The following VDR variants were observed in gnomAD, a reference collection of about 807,000 sequenced individuals.
VDR encodes vitamin D receptor.
A neutral mutation model predicts 39.7 loss-of-function variants in VDR; 19 were observed. The observed-to-expected ratio is 0.48, with a 90% CI of 0.33 to 0.70. VDR has a LOEUF of 0.70. Ranked by LOEUF, VDR falls within the 30% of genes least tolerant of loss-of-function variation. VDR has a pLI of 0.02. For synonymous variants in VDR, 242 were observed against 215.8 expected (o/e 1.12, Z -1.07); for missense variants, 442 against 570.5 (o/e 0.77, Z 2.29).
At chr12:47,875,972 C>A (rs984977260) in intron 3 of VDR, among the ~76,000 whole-genome samples, 1 of 152,134 alleles carries the variant, frequency 6.6e-6, no homozygotes, top group Non-Finnish European at 1.5e-5. Context: ...GACAGCAGTG[C>A]AGCACTACGC....
intron 1 of VDR, chr12:47,899,849 C>A (rs1374586581): frequency 5.3e-5 from 50 of 946,104 alleles, no homozygotes; most frequent in Non-Finnish European, 6.2e-5. Context: ...CAAAGAGAAG[C>A]TATGAGGATT....
intron 1 of VDR, 84 bp downstream of exon 1, chr12:47,904,871 G>A: frequency 3.0e-6 from 1 of 337,700 alleles, no homozygotes; most frequent in Non-Finnish European, 5.4e-6. Context: ...CTCGCAGCCG[G>A]GCGCTCAGGC....
chr12:47,880,724 T>C (rs909440813), intron 2 of VDR, among the ~76,000 whole-genome samples: 1 of 151,906 alleles, frequency 6.6e-6, no homozygotes, highest in Non-Finnish European at 1.5e-5. Flanking sequence ...TCAAAAATAA[T>C]GGCAAAGATC....
chr12:47,897,295 T>C (rs953073424), intron 1 of VDR, among the ~76,000 whole-genome samples: 1 of 152,216 alleles, frequency 6.6e-6, no homozygotes, highest in Admixed American at 6.5e-5. Flanking sequence ...GTTATTATGA[T>C]TGTCAGCTAT....
chr12:47,852,600 G>T (rs1945408625), intron 7 of VDR, among the ~76,000 whole-genome samples: 1 of 152,210 alleles, frequency 6.6e-6, no homozygotes, highest in African/African-American at 2.4e-5. Context: ...AGCACTGTCT[G>T]CCAGTTTTCT....
In VDR at chr12:47,844,651, G is replaced by C; in HGVS notation, c.*95C>G. On this transcript the variant is annotated 3_prime_UTR_variant, in exon 10 of 10. Transcript: ENST00000549336. ...CAGAGGAGGGGCTGAACCCCAGACG[G>C]GGTGAGGAGGGCTGCTGAGTAGCCG... is the stretch of plus-strand genomic sequence containing the variant. 1.9e-6 allele frequency: 3 copies of C among 1,562,872 alleles called. No individual in the cohort carries two copies. The highest frequency in any genetic ancestry group is 2.6e-6 in the Non-Finnish European group (3 of 1,145,412).
At chr12:47,872,930 C>T (rs1350976372) in intron 3 of VDR, among the ~76,000 whole-genome samples, 1 of 151,916 alleles carries the variant, frequency 6.6e-6, no homozygotes, top group African/African-American at 2.4e-5. Flanking sequence ...CCCTGTTTTA[C>T]AAGTGACACA....
intron 1 of VDR, 172 bp from the exon 2 acceptor site, chr12:47,882,946 G>A: frequency 3.6e-6 from 2 of 556,350 alleles, no homozygotes; most frequent in Non-Finnish European, 3.1e-6. Context: ...GCTGGCAGGG[G>A]TGTGGGGGTG....
chr12:47,862,380 G>A (rs1945644912), intron 4 of VDR, among the ~76,000 whole-genome samples: 1 of 152,198 alleles, frequency 6.6e-6, no homozygotes, highest in East Asian at 1.9e-4. Flanking sequence ...CCTGCCCTTT[G>A]GAAGCAGAAA....
rs1945199540 is a variant in VDR, at chr12:47,842,882, T to C, written c.*1864A>G. ...CGTTTAGCAACTTACAAGTGTTTTC[T>C]CCCACTGAAGAGCAAGCTGGACCAA... On this transcript the variant is annotated 3_prime_UTR_variant, in exon 10 of 10. Coordinates refer to ENST00000549336, the MANE Select transcript of VDR (RefSeq NM_000376.3). The C allele has an allele frequency of 6.6e-6, 1 of 152,128 alleles. No individual in the cohort carries two copies. The highest frequency in any genetic ancestry group is 1.9e-4 in the East Asian group (1 of 5,188). The allele number at this position is 152,128 out of a possible 1,614,324, so 9.4% of individuals were successfully genotyped here.
At chr12:47,876,420 T>C (rs929621007) in intron 3 of VDR, among the ~76,000 whole-genome samples, 1 of 152,196 alleles carries the variant, frequency 6.6e-6, no homozygotes, top group Non-Finnish European at 1.5e-5. Context: ...GTTGGCTCTT[T>C]AGAATGTAGC....
At chr12:47,870,552 C>T (rs925261998) in intron 3 of VDR, among the ~76,000 whole-genome samples, 10 of 152,218 alleles carry the variant, frequency 6.6e-5, no homozygotes, top group South Asian at 2.1e-4. Context: ...GGACATTGAC[C>T]GATTCTCATG....
At chr12:47,896,707 C>G (rs1168904086) in intron 1 of VDR, 1 of 152,172 alleles carries the variant, frequency 6.6e-6, no homozygotes, top group Admixed American at 6.5e-5. Context: ...TCAACAAAGC[C>G]GGTCAGACCT....
chr12:47,859,980 T>A (rs965246944), intron 4 of VDR, among the ~76,000 whole-genome samples: 1 of 148,448 alleles, frequency 6.7e-6, no homozygotes, highest in South Asian at 2.1e-4. Context: ...TCTTTCTTTC[T>A]TTCACAGACT....
intron 3 of VDR, among the ~76,000 whole-genome samples, chr12:47,876,594 G>A (rs1946009819): frequency 6.6e-6 from 1 of 152,224 alleles, no homozygotes; most frequent in South Asian, 2.1e-4. Context: ...TGTCAAGGTG[G>A]ACTAAGAGTG....
chr12:47,858,761 G>A (rs758376412), intron 4 of VDR, among the ~76,000 whole-genome samples: 1 of 152,262 alleles, frequency 6.6e-6, no homozygotes, highest in African/African-American at 2.4e-5. Flanking sequence ...CACAGAACTG[G>A]GGAGTTTCAC....
At chr12:47,872,662 T>C (rs2137185919) in intron 3 of VDR, among the ~76,000 whole-genome samples, 1 of 152,350 alleles carries the variant, frequency 6.6e-6, no homozygotes, top group East Asian at 1.9e-4. Flanking sequence ...TCAGAGCCCC[T>C]GGCCCAGCCC....
intron 6 of VDR, 21 bp from the exon 7 acceptor site, chr12:47,855,822 G>C: frequency 6.2e-7 from 1 of 1,612,908 alleles, no homozygotes; most frequent in Non-Finnish European, 8.5e-7. Context: ...TGAGGGAAGA[G>C]AAGGAGCTAT....
intron 1 of VDR, among the ~76,000 whole-genome samples, chr12:47,893,080 T>C (rs939186225): frequency 6.6e-6 from 1 of 152,216 alleles, no homozygotes. Flanking sequence ...CACACTCATG[T>C]CAAAGGCCTG....
Sources: gnomAD v4.1 joint callset for allele counts (sites outside exome capture counted in the v4.1 genomes callset) on GRCh38, gnomAD v4.1.1 for gene constraint, MANE v1.5 for transcripts, NCBI Gene and HGNC (gene_info 2026-07-23, HGNC 2026-07-21) for gene names.